Variants in TNIK observed in about 807,000 individuals in gnomAD.
TNIK encodes the protein TRAF2 and NCK interacting kinase.
A neutral mutation model predicts 191.3 loss-of-function variants in TNIK; 49 were observed. The ratio of observed to expected loss-of-function variants is 0.26; its 90% confidence interval spans 0.20 to 0.32. TNIK has a LOEUF of 0.32. TNIK is among the 10% of genes least tolerant of loss of function. The pLI is 1.00. For missense variants in TNIK, 1,155 were observed against 1,702.3 expected (o/e 0.68, Z 5.66); for synonymous variants, 594 against 600.9 (o/e 0.99, Z 0.17).
chr3:171,418,046 T>A (rs1342871071), intron 1 of TNIK, among the ~76,000 whole-genome samples: 2 of 152,180 alleles, frequency 1.3e-5, no homozygotes, highest in Non-Finnish European at 2.9e-5. Flanking sequence ...AGCTGTACAA[T>A]CCTGGGAAGT....
chr3:171,326,236 T>C (rs1347401657), intron 2 of TNIK, among the ~76,000 whole-genome samples: 2 of 152,188 alleles, frequency 1.3e-5, no homozygotes, highest in Admixed American at 1.3e-4. Flanking sequence ...GTTTTAAATG[T>C]TTTTAAAATT....
At chr3:171,324,772 C>T (rs780639875) in intron 2 of TNIK, among the ~76,000 whole-genome samples, 3 of 152,092 alleles carry the variant, frequency 2.0e-5, no homozygotes, top group South Asian at 2.1e-4. Flanking sequence ...GAAAGATTTA[C>T]GTAGTCGTCA....
intron 1 of TNIK, among the ~76,000 whole-genome samples, chr3:171,370,184 A>G (rs1716300161): frequency 6.6e-6 from 1 of 152,198 alleles, no homozygotes; most frequent in South Asian, 2.1e-4. Flanking sequence ...CCAAGGGAAA[A>G]TAGAGTCAAC....
intron 1 of TNIK, among the ~76,000 whole-genome samples, chr3:171,422,022 G>A (rs377547791): frequency 4.6e-5 from 7 of 151,976 alleles, no homozygotes; most frequent in African/African-American, 1.5e-4. Context: ...GACCTACCAC[G>A]CCCGACCAGT....
In TNIK at chr3:171,101,534, ACTC is replaced by A. The variant is rs1723562242; in HGVS notation, c.2503_2505del (p.Glu835del). 6.2e-7 allele frequency: 1 copy of A among 1,612,756 alleles called. No individual in the cohort carries two copies. On this transcript the variant is annotated inframe_deletion, in exon 22 of 33. Transcript: ENST00000436636. Reference sequence around the variant, plus strand: ...TCCTCCTCTTCCTCGCTACTTTCTGACTCCTCACTGGAGGAGGAGTAATCAGTC... The same window carrying A: ...TCCTCCTCTTCCTCGCTACTTTCTGACTCACTGGAGGAGGAGTAATCAGTC...
At chr3:171,452,511 C>T (rs754340651) in intron 1 of TNIK, among the ~76,000 whole-genome samples, 8 of 151,984 alleles carry the variant, frequency 5.3e-5, no homozygotes, top group East Asian at 1.9e-4. Flanking sequence ...AGCTTTATGA[C>T]GCTGGGCTCT....
intron 18 of TNIK, among the ~76,000 whole-genome samples, chr3:171,120,797 AAG>A (rs1407592504): frequency 6.6e-6 from 1 of 152,096 alleles, no homozygotes; most frequent in Non-Finnish European, 1.5e-5. Context: ...GCCACAGAAG[AAG>A]AGAGAGGTTC....
At chr3:171,325,252 G>C (rs1417967440) in intron 2 of TNIK, among the ~76,000 whole-genome samples, 1 of 152,078 alleles carries the variant, frequency 6.6e-6, no homozygotes, top group Non-Finnish European at 1.5e-5. Flanking sequence ...TCCAAAAGTG[G>C]AGTGGCAATT....
intron 25 of TNIK, 101 bp downstream of exon 25, chr3:171,085,017 G>A: frequency 3.5e-6 from 3 of 857,012 alleles, no homozygotes; most frequent in Non-Finnish European, 5.3e-6. Flanking sequence ...GACCTAAGCA[G>A]TAATCAGCTT....
At chr3:171,196,817 C>T (rs545295344) in intron 4 of TNIK, among the ~76,000 whole-genome samples, 73 of 152,204 alleles carry the variant, frequency 4.8e-4, no homozygotes, top group East Asian at 3.7e-3. Context: ...CAGGCTGGCG[C>T]GATCTCGGCT....
chr3:171,184,322 C>G (rs1033146189), intron 7 of TNIK, among the ~76,000 whole-genome samples: 5 of 152,198 alleles, frequency 3.3e-5, no homozygotes, highest in African/African-American at 1.2e-4. Context: ...AATCCCATTT[C>G]ACACATAAAA....
At chr3:171,407,170 T>A (rs1047141497) in intron 1 of TNIK, among the ~76,000 whole-genome samples, 2 of 152,102 alleles carry the variant, frequency 1.3e-5, no homozygotes, top group Non-Finnish European at 2.9e-5. Flanking sequence ...AAGGAGCTGA[T>A]GAGCTAAAGA....
chr3:171,264,044 A>G (rs895960884), intron 2 of TNIK, among the ~76,000 whole-genome samples: 1 of 147,902 alleles, frequency 6.8e-6, no homozygotes, highest in African/African-American at 2.5e-5. Flanking sequence ...GTGTATATAT[A>G]TGTGTGTGTG....
At chr3:171,382,239 T>TTG (rs2108522708) in intron 1 of TNIK, among the ~76,000 whole-genome samples, 1 of 146,388 alleles carries the variant, frequency 6.8e-6, no homozygotes, top group Admixed American at 6.7e-5. Context: ...TTTTTTTTTT[T>TTG]TGAGACAGTC....
At position 171,251,377 on chromosome 3, in the gene TNIK, A is replaced by G. The variant is rs188745422; in HGVS notation, c.124-23156T>C. 1.5e-4 allele frequency among the ~76,000 whole-genome samples: 23 copies of G among 152,344 alleles called. 1 individual carries two copies. Among genetic ancestry groups the G allele is most frequent in the Non-Finnish European group, 2.4e-4 (16 of 68,034 alleles). On this transcript the variant is annotated intron_variant, in intron 2 of 32. Transcript: ENST00000436636. ...GTTAGAGGCCTGAGATGATGTCTAC[A>G]TGTTTGGGTAATGATCTTGGATGAT...
intron 1 of TNIK, among the ~76,000 whole-genome samples, chr3:171,381,197 G>C (rs1398281114): frequency 1.3e-5 from 2 of 152,070 alleles, no homozygotes; most frequent in East Asian, 1.9e-4. Context: ...GGATCTAAAA[G>C]CTTTTTGGCA....
intron 2 of TNIK, among the ~76,000 whole-genome samples, chr3:171,358,581 T>C (rs956635946): frequency 6.6e-6 from 1 of 152,214 alleles, no homozygotes; most frequent in Non-Finnish European, 1.5e-5. Context: ...TCAGAAAACA[T>C]ACACAATATT....
chr3:171,180,311 T>TG (rs1274664389), intron 7 of TNIK, among the ~76,000 whole-genome samples: 2 of 152,058 alleles, frequency 1.3e-5, no homozygotes, highest in Non-Finnish European at 2.9e-5. Context: ...CGAGGACCCC[T>TG]GGGACCTCCC....
chr3:171,229,794 G>A (rs893781658), intron 2 of TNIK, among the ~76,000 whole-genome samples: 1 of 152,088 alleles, frequency 6.6e-6, no homozygotes, highest in Non-Finnish European at 1.5e-5. Context: ...TGGGGAAAGA[G>A]CACAAAGAAG....
Sources: gnomAD v4.1 joint callset for allele counts (sites outside exome capture counted in the v4.1 genomes callset) on GRCh38, gnomAD v4.1.1 for gene constraint, MANE v1.5 for transcripts, NCBI Gene and HGNC (gene_info 2026-07-23, HGNC 2026-07-21) for gene names.